Variants in UBN2 observed in about 807,000 individuals in gnomAD.
UBN2 encodes the protein ubinuclein-2.
In UBN2, 35 loss-of-function variants were observed where a neutral mutation model predicts 120.2. That is an observed-to-expected ratio of 0.29 (90% CI 0.22 to 0.39). The LOEUF is 0.39. UBN2 is among the 10% of genes least tolerant of loss of function. The probability of loss-of-function intolerance (pLI) is 1.00; values close to 1 mark genes in which losing one functional copy is unlikely to be tolerated. For missense variants in UBN2, 1,693 were observed against 1,663.2 expected, an observed-to-expected ratio of 1.02 and a Z score of -0.31; for synonymous variants, 661 against 648.7, an observed-to-expected ratio of 1.02 and a Z score of -0.29.
chr7:139,279,266 A>G, intron 12 of UBN2, 52 bp from the exon 13 acceptor site: 1 of 1,366,634 alleles, frequency 7.3e-7, no homozygotes, highest in South Asian at 1.2e-5. Context: ...TAACTTTCTA[A>G]TGAGCAATAT....
At chr7:139,281,946 A>T in intron 13 of UBN2, 59 bp from the exon 14 acceptor site, 2 of 1,544,298 alleles carry the variant, frequency 1.3e-6, no homozygotes, top group East Asian at 4.5e-5. Flanking sequence ...CTTAGAAAAA[A>T]TACTAAGGAA....
At chr7:139,236,917 T>G (rs1289331653) in intron 1 of UBN2, 88 bp from the exon 2 acceptor site, 3 of 720,372 alleles carry the variant, frequency 4.2e-6, no homozygotes, top group Non-Finnish European at 6.8e-6. Context: ...TTGAAGTGGT[T>G]GTTACATAAT....
At chr7:139,234,863 G>A (rs1159263250) in intron 1 of UBN2, among the ~76,000 whole-genome samples, 2 of 152,140 alleles carry the variant, frequency 1.3e-5, no homozygotes, top group African/African-American at 4.8e-5. Flanking sequence ...ATTTGTGAAA[G>A]ACCTCCTGAA....
At chr7:139,270,417 C>T (rs905429422) in intron 8 of UBN2, among the ~76,000 whole-genome samples, 3 of 151,864 alleles carry the variant, frequency 2.0e-5, no homozygotes, top group East Asian at 2.0e-4. Flanking sequence ...TACAGGCACC[C>T]GCCATCATGC....
chr7:139,264,992 C>T (rs2130991283), intron 6 of UBN2, among the ~76,000 whole-genome samples: 1 of 152,202 alleles, frequency 6.6e-6, no homozygotes, highest in Admixed American at 6.5e-5. Context: ...TTAGCCATCA[C>T]CTTAAATATT....
rs537597481 is a variant in UBN2, at chr7:139,306,770, C to G, written c.*8934C>G. ...GCCCTTGGATTTCACTTGTTAAACACCCTCAAACTTAAAAGAAGAAAATAG... is the reference window on the plus strand; with the variant it reads ...GCCCTTGGATTTCACTTGTTAAACAGCCTCAAACTTAAAAGAAGAAAATAG... On this transcript the variant is annotated 3_prime_UTR_variant, in exon 18 of 18. Transcript: ENST00000473989. The G allele has an allele frequency of 1.6e-3, 243 of 152,264 alleles. 1 individual carries two copies. Among genetic ancestry groups the G allele is most frequent in the African/African-American group, 5.8e-3 (240 of 41,544 alleles). The allele number at this position is 152,264 out of a possible 1,614,324, so 9.4% of individuals were successfully genotyped here. A position where few individuals can be genotyped will look rare whatever the true frequency, so the allele number is the denominator to read the frequency against.
chr7:139,253,557 G>A (rs1796677152), intron 3 of UBN2, among the ~76,000 whole-genome samples: 1 of 152,152 alleles, frequency 6.6e-6, no homozygotes, highest in Non-Finnish European at 1.5e-5. Flanking sequence ...TTACCAGGAT[G>A]GTACATTGAG....
Position 139,263,752 on chromosome 7 carries a change from G to A in UBN2, c.1395+2011G>A, listed in dbSNP as rs114411661. Among the ~76,000 whole-genome samples, 906 of 138,922 alleles carry A rather than the reference G, an allele frequency of 6.5e-3. 7 individuals are homozygous for A. Among genetic ancestry groups the A allele is most frequent in the African/African-American group, 0.022 (833 of 37,318 alleles). The allele number at this position is 138,922 out of a possible 152,430, so 91.1% of individuals were successfully genotyped here. A position where few individuals can be genotyped will look rare whatever the true frequency, so the allele number is the denominator to read the frequency against. On this transcript the variant is annotated intron_variant, in intron 6 of 17. Transcript: ENST00000473989. ...ACTGCACTCCAGCCTGAGCAACCAAGCAAGACTCCATCTCAAAAAAAAAAA... is the reference window on the plus strand; with the variant it reads ...ACTGCACTCCAGCCTGAGCAACCAAACAAGACTCCATCTCAAAAAAAAAAA...
intron 3 of UBN2, among the ~76,000 whole-genome samples, chr7:139,255,961 T>C (rs1435022302): frequency 1.3e-5 from 2 of 152,142 alleles, no homozygotes; most frequent in Non-Finnish European, 2.9e-5. Flanking sequence ...TGAAGTAATA[T>C]TGTCCCTGTT....
At chr7:139,232,075 C>A in intron 1 of UBN2, 123 bp downstream of exon 1, 1 of 877,780 alleles carries the variant, frequency 1.1e-6, no homozygotes, top group Non-Finnish European at 1.7e-6. Flanking sequence ...GGGTGGGGTG[C>A]GGGGGGCCGG....
the UBN2 span, among the ~76,000 whole-genome samples, chr7:139,329,906 A>C: frequency 6.6e-6 from 1 of 152,126 alleles, no homozygotes; most frequent in African/African-American, 2.4e-5. Context: ...TGTTCAATTA[A>C]TTCAACAAAT....
At chr7:139,289,598 G>A (rs1213949505) in intron 15 of UBN2, among the ~76,000 whole-genome samples, 1 of 151,876 alleles carries the variant, frequency 6.6e-6, no homozygotes, top group Non-Finnish European at 1.5e-5. Flanking sequence ...TTTTAGTAGA[G>A]ACGGTGTTTC....
chr7:139,257,814 T>G (rs1165123644), intron 3 of UBN2, among the ~76,000 whole-genome samples: 1 of 152,112 alleles, frequency 6.6e-6, no homozygotes, highest in African/African-American at 2.4e-5. Context: ...GTTTTTTGTT[T>G]TTTTAGACCG....
At chr7:139,238,256 C>T (rs1292423305) in intron 2 of UBN2, among the ~76,000 whole-genome samples, 2 of 152,150 alleles carry the variant, frequency 1.3e-5, no homozygotes, top group Admixed American at 1.3e-4. Context: ...CAAGATACAA[C>T]AGGGATCTTG....
intron 15 of UBN2, among the ~76,000 whole-genome samples, chr7:139,289,670 CCAAAG>C (rs1348422087): frequency 3.9e-5 from 6 of 152,216 alleles, no homozygotes; most frequent in African/African-American, 1.2e-4. Context: ...ACTCAGCCTC[CCAAAG>C]TGCTGGGATA....
In UBN2 at chr7:139,273,946, C is replaced by G; in HGVS notation, c.1845C>G (p.Asn615Lys). 1 of 1,608,682 alleles carries G rather than the reference C, an allele frequency of 6.2e-7. No individual in the cohort carries two copies. Among genetic ancestry groups the G allele is most frequent in the Non-Finnish European group, 8.5e-7 (1 of 1,178,552 alleles). ...WDDTIRTLLC[N>K]LVEIKLGCYE... is the part of the protein sequence containing the mutation. ...ATCTGTTTAGAACTTTGTTATGTAA[C>G]CTTGTTGAGATCAAATTGGGATGCT... Residue 615 changes from asparagine (N) to lysine (K), a missense_variant, in exon 11 of 18, where the codon AAC becomes AAG. By Grantham distance (94) the Asn-to-Lys change is moderately conservative. Around this residue, in one of 5 missense-constraint regions of UBN2, gnomAD observed 178 missense variants for 204.0 expected, o/e 0.87. Coordinates refer to ENST00000473989, the MANE Select transcript of UBN2 (RefSeq NM_173569.4).
At chr7:139,296,333 CAT>C (rs2131072564) in intron 17 of UBN2, among the ~76,000 whole-genome samples, 1 of 152,342 alleles carries the variant, frequency 6.6e-6, no homozygotes, top group South Asian at 2.1e-4. Flanking sequence ...TATTTAAACA[CAT>C]GAGTATGACT....
chr7:139,256,548 A>G (rs1351642607), intron 3 of UBN2, among the ~76,000 whole-genome samples: 3 of 152,232 alleles, frequency 2.0e-5, no homozygotes, highest in African/African-American at 7.2e-5. Context: ...TCACAAGGGT[A>G]TCATGAGGAC....
chr7:139,325,780 C>T, the UBN2 span, among the ~76,000 whole-genome samples: 2 of 152,194 alleles, frequency 1.3e-5, no homozygotes, highest in Non-Finnish European at 1.5e-5. Context: ...CCCACAGTTT[C>T]GCTGGGCATA....
Sources: allele counts gnomAD v4.1 joint callset (sites outside exome capture counted in the v4.1 genomes callset), GRCh38; gene constraint gnomAD v4.1.1; regional missense constraint gnomAD v4.1.1; transcripts MANE v1.5; gene names NCBI Gene and HGNC (gene_info 2026-07-23, HGNC 2026-07-21).